The following NRG3 variants were observed in gnomAD, a reference collection of about 807,000 sequenced individuals.
NRG3 encodes the protein neuregulin 3.
NRG3 carries 31 observed loss-of-function variants against 66.9 expected under a neutral mutation model. The observed-to-expected ratio is 0.46, with a 90% CI of 0.35 to 0.63. NRG3 has a LOEUF of 0.63. Ranked by LOEUF, NRG3 falls within the 20% of genes least tolerant of loss-of-function variation. The pLI, the probability that NRG3 is intolerant of heterozygous loss-of-function variation, is 0.00. For synonymous variants in NRG3, 393 were observed against 359.4 expected (o/e 1.09, Z -1.06); for missense variants, 910 against 878.9 (o/e 1.04, Z -0.45).
At chr10:82,622,800 A>C (rs1408940666) in intron 2 of NRG3, among the ~76,000 whole-genome samples, 1 of 152,200 alleles carries the variant, frequency 6.6e-6, no homozygotes, top group East Asian at 1.9e-4. Context: ...CATCTGTGGC[A>C]GTACTCAACA....
intron 2 of NRG3, among the ~76,000 whole-genome samples, chr10:82,545,301 A>T (rs1004744823): frequency 9.9e-5 from 15 of 151,966 alleles, no homozygotes; most frequent in Admixed American, 2.0e-4. Context: ...TATTTCTTAA[A>T]TTATTATTAT....
chr10:82,107,630 C>T lies in NRG3; in HGVS notation c.823+231467C>T, dbSNP rs2067146735. Among the ~76,000 whole-genome samples, 5 of 152,274 alleles carry T rather than the reference C, an allele frequency of 3.3e-5. 1 individual carries two copies. In the South Asian group the frequency reaches 1.0e-3, roughly 32 times the overall value. On this transcript the variant is annotated intron_variant, in intron 1 of 8. Transcript: ENST00000372141. Reference sequence around the variant, plus strand: ...CACAGCTTGAGGAAGTTGCATCAGGCTTCTTAGATACTTGTAGAAAATAAA... The same window carrying T: ...CACAGCTTGAGGAAGTTGCATCAGGTTTCTTAGATACTTGTAGAAAATAAA...
chr10:82,759,332 A>G (rs997355054), intron 3 of NRG3, among the ~76,000 whole-genome samples: 4 of 152,026 alleles, frequency 2.6e-5, no homozygotes, highest in Non-Finnish European at 5.9e-5. Context: ...TCCAGTCACC[A>G]GAATTGTTAG....
At chr10:82,655,619 C>A (rs2051780891) in intron 2 of NRG3, among the ~76,000 whole-genome samples, 1 of 152,114 alleles carries the variant, frequency 6.6e-6, no homozygotes, top group Non-Finnish European at 1.5e-5. Context: ...ATTAATGGAG[C>A]AATTTTACTT....
intron 1 of NRG3, among the ~76,000 whole-genome samples, chr10:81,998,995 G>T (rs538649588): frequency 2.6e-5 from 4 of 152,132 alleles, no homozygotes; most frequent in Non-Finnish European, 5.9e-5. Flanking sequence ...TAGAGATGGG[G>T]TTTCACCGTG....
intron 1 of NRG3, among the ~76,000 whole-genome samples, chr10:82,116,778 A>C (rs2067748626): frequency 6.6e-6 from 1 of 152,108 alleles, no homozygotes; most frequent in Non-Finnish European, 1.5e-5. Flanking sequence ...ACCCCAGTTC[A>C]CCCAGTCCAT....
Position 82,730,974 on chromosome 10 carries a change from C to A in NRG3, c.954-7603C>A, listed in dbSNP as rs529689709. On this transcript the variant is annotated intron_variant, in intron 2 of 8. Coordinates refer to ENST00000372141, the MANE Select transcript of NRG3 (RefSeq NM_001010848.4). ...CATTTCCTATCTCCTTGACACTGGG[C>A]AATTCAGTTTTCCTTGCTGAGAATC... 3.3e-5 allele frequency among the ~76,000 whole-genome samples: 5 copies of A among 152,194 alleles called. No homozygotes were observed. The South Asian group carries it at 8.3e-4, about 25-fold the overall frequency.
At chr10:82,963,857 C>T (rs1050397517) in intron 6 of NRG3, among the ~76,000 whole-genome samples, 16 of 152,116 alleles carry the variant, frequency 1.1e-4, no homozygotes, top group African/African-American at 3.9e-4. Context: ...CAATCCCACA[C>T]TCTGTCTCTC....
chr10:81,972,014 C>A (rs182133142), intron 1 of NRG3, among the ~76,000 whole-genome samples: 5 of 152,238 alleles, frequency 3.3e-5, no homozygotes, highest in Non-Finnish European at 7.4e-5. Context: ...GACACTCACA[C>A]TGGGCCAGGG....
chr10:82,082,947 C>CT (rs201537113), intron 1 of NRG3, among the ~76,000 whole-genome samples: 60 of 146,942 alleles, frequency 4.1e-4, no homozygotes, highest in Admixed American at 7.5e-4. Flanking sequence ...TTATGACATT[C>CT]TTTTTTTTTT....
At chr10:82,815,008 C>G (rs2061646128) in intron 3 of NRG3, among the ~76,000 whole-genome samples, 1 of 152,202 alleles carries the variant, frequency 6.6e-6, no homozygotes, top group African/African-American at 2.4e-5. Context: ...ACCCACCATG[C>G]TGATCTGCTT....
At chr10:82,131,946 G>C (rs1397256422) in intron 1 of NRG3, among the ~76,000 whole-genome samples, 3 of 152,052 alleles carry the variant, frequency 2.0e-5, no homozygotes, top group Admixed American at 6.6e-5. Context: ...GCAGTCTTCA[G>C]ACGTTTCCAA....
At chr10:82,318,465 C>T (rs1178412109) in intron 1 of NRG3, among the ~76,000 whole-genome samples, 1 of 152,158 alleles carries the variant, frequency 6.6e-6, no homozygotes, top group African/African-American at 2.4e-5. Context: ...TAGTCACATC[C>T]CGTGATCCTT....
At chr10:82,087,687 A>C (rs147369815) in intron 1 of NRG3, among the ~76,000 whole-genome samples, 43 of 152,286 alleles carry the variant, frequency 2.8e-4, no homozygotes, top group African/African-American at 9.6e-4. Context: ...AGAATGATTT[A>C]ACATTCACCA....
chr10:82,836,600 A>C (rs889530739), intron 3 of NRG3, among the ~76,000 whole-genome samples: 9 of 152,088 alleles, frequency 5.9e-5, no homozygotes, highest in Non-Finnish European at 1.3e-4. Flanking sequence ...TTTCTATAGC[A>C]TTGACATTTT....
chr10:82,109,207 T>C (rs1219750387), intron 1 of NRG3, among the ~76,000 whole-genome samples: 1 of 152,118 alleles, frequency 6.6e-6, no homozygotes, highest in Non-Finnish European at 1.5e-5. Flanking sequence ...AAGGAATGAG[T>C]AGAACATGGG....
At chr10:82,844,622 G>T (rs763762457) in intron 3 of NRG3, among the ~76,000 whole-genome samples, 1 of 150,912 alleles carries the variant, frequency 6.6e-6, no homozygotes, top group African/African-American at 2.4e-5. Flanking sequence ...ACATTTTACA[G>T]GATAGTACAA....
intron 4 of NRG3, among the ~76,000 whole-genome samples, chr10:82,916,763 G>A (rs180853835): frequency 2.6e-5 from 4 of 152,048 alleles, no homozygotes; most frequent in South Asian, 2.1e-4. Context: ...CTATAGGCGC[G>A]TGCCACCACG....
chr10:82,672,316 A>G (rs528469554), intron 2 of NRG3, among the ~76,000 whole-genome samples: 1 of 152,294 alleles, frequency 6.6e-6, no homozygotes, highest in Non-Finnish European at 1.5e-5. Context: ...GAGGGGTGGC[A>G]CCAGAGGAGA....
Sources: gnomAD v4.1 joint callset for allele counts (sites outside exome capture counted in the v4.1 genomes callset) on GRCh38, gnomAD v4.1.1 for gene constraint, MANE v1.5 for transcripts, NCBI Gene and HGNC (gene_info 2026-07-23, HGNC 2026-07-21) for gene names.